The following KAT6B variants were observed in gnomAD, a reference collection of about 807,000 sequenced individuals.
The protein encoded by KAT6B is lysine acetyltransferase 6B, also known as histone acetyltransferase KAT6B.
In KAT6B, 10 loss-of-function variants were observed where a neutral mutation model predicts 187.5. The ratio of observed to expected loss-of-function variants is 0.05; its 90% confidence interval spans 0.03 to 0.09. The LOEUF (loss-of-function observed/expected upper bound fraction) is 0.09. Among genes scored for constraint, KAT6B ranks in the 10% least tolerant of loss-of-function variants. KAT6B has a pLI of 1.00. For synonymous variants in KAT6B, 861 were observed against 926.8 expected, an observed-to-expected ratio of 0.93 and a Z score of 1.29; for missense variants, 1,952 against 2,558.9, an observed-to-expected ratio of 0.76 and a Z score of 5.12.
chr10:74,927,044 C>T lies in KAT6B; in HGVS notation c.622-32926C>T, dbSNP rs530707500. Among the ~76,000 whole-genome samples, 601 of 152,332 alleles carry T rather than the reference C, an allele frequency of 3.9e-3. 2 individuals are homozygous for T. The highest frequency in any genetic ancestry group is 0.013 in the African/African-American group (528 of 41,574). ...ATCATCACAATCAACATTATTATTA[C>T]TGCACCACTATAGTTCCTTGTAATA... On this transcript the variant is annotated intron_variant, in intron 3 of 17. Transcript: ENST00000287239.
chr10:75,028,181 T>C (rs1425161706), intron 17 of KAT6B, among the ~76,000 whole-genome samples: 3 of 152,196 alleles, frequency 2.0e-5, no homozygotes, highest in Non-Finnish European at 2.9e-5. Flanking sequence ...TGATTTTTTT[T>C]TTTACACTGT....
intron 4 of KAT6B, among the ~76,000 whole-genome samples, chr10:74,960,549 A>G (rs191391536): frequency 6.7e-6 from 1 of 148,514 alleles, no homozygotes; most frequent in Admixed American, 6.7e-5. Flanking sequence ...AGTTATAGTA[A>G]TCTCTAAAAA....
chr10:75,030,249 C>T lies in KAT6B; in HGVS notation c.5425C>T (p.Pro1809Ser), dbSNP rs1554846383. 6 of 1,614,228 alleles carry T rather than the reference C, an allele frequency of 3.7e-6. No homozygotes were observed. The highest frequency in any genetic ancestry group is 5.1e-6 in the Non-Finnish European group (6 of 1,180,028). Residue 1809 changes from proline to serine, a missense_variant, in exon 18 of 18, where the codon CCG becomes TCG. Physicochemically the swap from Pro to Ser is moderately conservative, Grantham distance 74 (BLOSUM62 -1). Around this residue, in one of 9 missense-constraint regions of KAT6B, gnomAD observed 358 missense variants for 436.3 expected, o/e 0.82. Transcript: ENST00000287239. This position sits in a 1 kb window ranked among gnomAD's most constrained non-coding sequence, Gnocchi z 4.8. ...GQSDFGAGHY[P>S]QPSATFSLAK... ...GAGTGATTTTGGGGCTGGGCATTAC[C>T]CGCAGCCGTCAGCCACCTTCAGCCT... is the stretch of plus-strand genomic sequence containing the variant.
At chr10:74,994,200 A>T (rs1439215095) in intron 13 of KAT6B, among the ~76,000 whole-genome samples, 2 of 151,968 alleles carry the variant, frequency 1.3e-5, no homozygotes, top group African/African-American at 2.4e-5. Context: ...CATTTATTTA[A>T]TTTTTTTGTA....
chr10:74,944,000 C>A (rs1311428785), intron 3 of KAT6B, among the ~76,000 whole-genome samples: 3 of 152,176 alleles, frequency 2.0e-5, no homozygotes, highest in African/African-American at 7.2e-5. Flanking sequence ...TTGTGTTCCT[C>A]AGGAAGCAGC....
At chr10:74,999,868 A>G (rs1039280467) in intron 13 of KAT6B, among the ~76,000 whole-genome samples, 8 of 152,210 alleles carry the variant, frequency 5.3e-5, no homozygotes, top group African/African-American at 1.9e-4. Context: ...AGATTCAAAA[A>G]GCTTTTGACT....
At chr10:74,954,590 C>A (rs1268098688) in intron 3 of KAT6B, among the ~76,000 whole-genome samples, 3 of 152,164 alleles carry the variant, frequency 2.0e-5, no homozygotes, top group Non-Finnish European at 4.4e-5. Flanking sequence ...CGAATCTAAC[C>A]CTTTCACCTG....
At chr10:74,981,341 T>TCC in intron 10 of KAT6B, among the ~76,000 whole-genome samples, 6 of 148,944 alleles carry the variant, frequency 4.0e-5, no homozygotes, top group East Asian at 1.9e-4. Flanking sequence ...CTTCCTTCCT[T>TCC]TCTTCCTTTC....
At chr10:74,860,769 A>ATG (rs1843122179) in intron 3 of KAT6B, among the ~76,000 whole-genome samples, 1 of 152,190 alleles carries the variant, frequency 6.6e-6, no homozygotes, top group African/African-American at 2.4e-5. Context: ...AGGCCAAGGC[A>ATG]GGAGGATCAC....
rs1487330199 is a variant in KAT6B at position 75,018,734 on chromosome 10, T to TG, written c.2630-1844dup. ...ATTCTTTCAGCAAGGCTGAGAGGAG[T>TG]GGGGCTTTCTGTCCTTGACTGCTGG... On this transcript the variant is annotated intron_variant, in intron 13 of 17. Coordinates refer to ENST00000287239, the MANE Select transcript of KAT6B (RefSeq NM_012330.4). Among the ~76,000 whole-genome samples the TG allele has an allele frequency of 3.9e-5, 6 of 151,938 alleles. No individual in the cohort carries two copies. The South Asian group carries it at 1.2e-3, about 32-fold the overall frequency.
intron 10 of KAT6B, among the ~76,000 whole-genome samples, chr10:74,981,306 T>TTCCTTCCTTCCTTCCTTCCTTC (rs1842493708): frequency 2.0e-4 from 28 of 139,942 alleles, no homozygotes; most frequent in African/African-American, 8.5e-4. Flanking sequence ...TTTCTTTCTT[T>TTCCTTCCTTCCTTCCTTCCTTC]CTTCCTTCCT....
At chr10:74,845,088 G>A (rs1216992697) in intron 3 of KAT6B, among the ~76,000 whole-genome samples, 1 of 152,056 alleles carries the variant, frequency 6.6e-6, no homozygotes, top group Non-Finnish European at 1.5e-5. Flanking sequence ...GCTTGGTGAA[G>A]CACATGTGTA....
chr10:75,028,670 G>A lies in KAT6B; in HGVS notation c.3846G>A (p.Glu1282=), dbSNP rs572647460. ...NLYTPPETPM[E]PDEQVTVEEQ... is the part of the protein sequence containing the mutation. ...ACACCCCGCCAGAAACACCCATGGA[G>A]CCTGACGAGCAGGTAACAGTGGAAG... Residue 1282 remains glutamate (E), a synonymous_variant, in exon 18 of 18, where the codon GAG becomes GAA. Transcript: ENST00000287239. 2 of 1,614,086 alleles carry A rather than the reference G, an allele frequency of 1.2e-6. No individual in the cohort carries two copies. Among genetic ancestry groups the A allele is most frequent in the South Asian group, 1.1e-5 (1 of 91,082 alleles).
chr10:74,876,671 T>G (rs1369454970), intron 3 of KAT6B, among the ~76,000 whole-genome samples: 3 of 152,082 alleles, frequency 2.0e-5, no homozygotes, highest in Non-Finnish European at 4.4e-5. Flanking sequence ...CCCAGCACTT[T>G]GGGAGGCCGA....
intron 3 of KAT6B, among the ~76,000 whole-genome samples, chr10:74,895,531 C>T (rs1452849721): frequency 1.3e-5 from 2 of 152,028 alleles, no homozygotes; most frequent in East Asian, 3.9e-4. Flanking sequence ...AAACGCTCTT[C>T]TTCTTAATCT....
intron 3 of KAT6B, among the ~76,000 whole-genome samples, chr10:74,954,995 A>G (rs1055652814): frequency 3.3e-5 from 5 of 152,156 alleles, no homozygotes; most frequent in African/African-American, 1.2e-4. Context: ...ATCCTTTGGC[A>G]TCTGTGGGGG....
At chr10:75,019,342 T>G (rs535610169) in intron 13 of KAT6B, among the ~76,000 whole-genome samples, 16 of 152,306 alleles carry the variant, frequency 1.1e-4, no homozygotes, top group African/African-American at 3.6e-4. Flanking sequence ...ATTATACCCT[T>G]CGAGGGTTCA....
intron 3 of KAT6B, among the ~76,000 whole-genome samples, chr10:74,904,197 A>G (rs1312379013): frequency 1.3e-5 from 2 of 152,204 alleles, no homozygotes; most frequent in African/African-American, 4.8e-5. Context: ...ACAGTGTAAC[A>G]CATAACCACA....
chr10:74,983,341 G>A (rs1023039029), intron 11 of KAT6B: 4 of 152,362 alleles, frequency 2.6e-5, no homozygotes, highest in African/African-American at 9.7e-5. Context: ...CATCCCCTGG[G>A]GGCGCAGAAT....
Sources: gnomAD v4.1 joint callset for allele counts (sites outside exome capture counted in the v4.1 genomes callset) on GRCh38, gnomAD v4.1.1 for gene constraint, gnomAD v4.1.1 regional missense constraint, Gnocchi (gnomAD v3.1) non-coding constraint, MANE v1.5 for transcripts, NCBI Gene and HGNC (gene_info 2026-07-23, HGNC 2026-07-21) for gene names.